Variants in ARFGEF3 observed in about 807,000 individuals in gnomAD.
ARFGEF3 encodes brefeldin A-inhibited guanine nucleotide-exchange protein 3.
Under a neutral mutation model 221.7 loss-of-function variants are expected in ARFGEF3, and 96 were observed. The ratio of observed to expected loss-of-function variants is 0.43; its 90% confidence interval spans 0.37 to 0.51. ARFGEF3 has a LOEUF of 0.51. Among genes scored for constraint, ARFGEF3 ranks in the 20% least tolerant of loss-of-function variants. The probability of loss-of-function intolerance (pLI) is 0.00; values close to 1 mark genes in which losing one functional copy is unlikely to be tolerated. For synonymous variants in ARFGEF3, 1,145 were observed against 1,126.8 expected (o/e 1.02, Z -0.32); for missense variants, 2,410 against 2,789.9 (o/e 0.86, Z 3.07).
Position 138,162,652 on chromosome 6 carries a change from T to C in ARFGEF3, c.85+481T>C, listed in dbSNP as rs1282601282. 2.0e-5 allele frequency among the ~76,000 whole-genome samples: 3 copies of C among 152,238 alleles called. No homozygotes were observed. The highest frequency in any genetic ancestry group is 4.4e-5 in the Non-Finnish European group (3 of 68,044). ...GCTTGCTTAGTGTTAGCTTTCCTGG[T>C]TATTGCACATGAAAAATAACATACG... On this transcript the variant is annotated intron_variant, in intron 1 of 33. Coordinates refer to ENST00000251691, the MANE Select transcript of ARFGEF3 (RefSeq NM_020340.5). The surrounding 1 kb of genome is among the most constrained non-coding windows in gnomAD (Gnocchi z 4.7).
At chr6:138,320,949 G>T (rs931480267) in intron 28 of ARFGEF3, among the ~76,000 whole-genome samples, 162 bp from the exon 29 acceptor site, 4 of 152,208 alleles carry the variant, frequency 2.6e-5, no homozygotes, top group South Asian at 4.2e-4. Context: ...TTTTGGCGGG[G>T]GGGGGCAGGA....
chr6:138,163,483 C>T (rs570562203), intron 1 of ARFGEF3, among the ~76,000 whole-genome samples: 2 of 152,314 alleles, frequency 1.3e-5, no homozygotes, highest in East Asian at 3.8e-4. Context: ...AATGAAGGGT[C>T]ACAGATGGCT....
chr6:138,198,090 A>G (rs1035246214), intron 2 of ARFGEF3, among the ~76,000 whole-genome samples: 1 of 152,176 alleles, frequency 6.6e-6, no homozygotes, highest in African/African-American at 2.4e-5. Context: ...AATCATGGAC[A>G]ATAAAAGTTG....
intron 22 of ARFGEF3, among the ~76,000 whole-genome samples, chr6:138,299,093 G>C (rs1414040181): frequency 6.6e-6 from 1 of 150,746 alleles, no homozygotes; most frequent in Non-Finnish European, 1.5e-5. Flanking sequence ...AGCTACTCAG[G>C]AGGCTAAGGC....
In ARFGEF3 at chr6:138,339,769, A is replaced by G. The variant is rs888413373; in HGVS notation, c.*3283A>G. 1 of 152,222 alleles carries G rather than the reference A, an allele frequency of 6.6e-6. No individual in the cohort carries two copies. The highest frequency in any genetic ancestry group is 6.5e-5 in the Admixed American group (1 of 15,280). The allele number at this position is 152,222 out of a possible 1,614,324, so 9.4% of individuals were successfully genotyped here. On this transcript the variant is annotated 3_prime_UTR_variant, in exon 34 of 34. Transcript: ENST00000251691. ...TGTATCTCCTGATCTGCTTTTAAAAATAGTTAGTTAGGCTGCCTTTTTACA... is the reference window on the plus strand; with the variant it reads ...TGTATCTCCTGATCTGCTTTTAAAAGTAGTTAGTTAGGCTGCCTTTTTACA...
chr6:138,199,578 T>C (rs1777496527), intron 2 of ARFGEF3, among the ~76,000 whole-genome samples: 1 of 152,246 alleles, frequency 6.6e-6, no homozygotes, highest in Admixed American at 6.5e-5. Context: ...GTTTCCCTTG[T>C]AGAGATCTTT....
chr6:138,260,703 G>A (rs1481735782), intron 10 of ARFGEF3, among the ~76,000 whole-genome samples: 4 of 151,682 alleles, frequency 2.6e-5, no homozygotes, highest in Non-Finnish European at 5.9e-5. Flanking sequence ...GAAATATAGG[G>A]GATTTTAAAA....
chr6:138,308,267 T>C (rs1779762772), intron 23 of ARFGEF3, among the ~76,000 whole-genome samples: 1 of 152,184 alleles, frequency 6.6e-6, no homozygotes, highest in Non-Finnish European at 1.5e-5. Context: ...GGGAGTACTC[T>C]GAGAGCTGAG....
At chr6:138,241,155 C>T (rs772450778) in intron 6 of ARFGEF3, among the ~76,000 whole-genome samples, 4 of 152,126 alleles carry the variant, frequency 2.6e-5, no homozygotes, top group East Asian at 3.9e-4. Context: ...GCTGGCCTCC[C>T]GTAAACAAGG....
intron 26 of ARFGEF3, among the ~76,000 whole-genome samples, chr6:138,314,887 T>C (rs1158103111): frequency 1.3e-5 from 2 of 152,246 alleles, no homozygotes; most frequent in African/African-American, 4.8e-5. Context: ...TCACAATAAG[T>C]CTGCTTAAAG....
At chr6:138,171,949 T>C (rs1776844263) in intron 2 of ARFGEF3, among the ~76,000 whole-genome samples, 1 of 152,244 alleles carries the variant, frequency 6.6e-6, no homozygotes, top group Non-Finnish European at 1.5e-5. Flanking sequence ...TATATTGGAC[T>C]ATAACCCTTT....
At chr6:138,321,433 C>A (rs1780025679) in intron 29 of ARFGEF3, among the ~76,000 whole-genome samples, 1 of 152,110 alleles carries the variant, frequency 6.6e-6, no homozygotes, top group African/African-American at 2.4e-5. Flanking sequence ...ACAAAGTATT[C>A]TGGTTCAGTT....
chr6:138,311,307 A>AT (rs1779823307), intron 24 of ARFGEF3, 100 bp from the exon 25 acceptor site: 1 of 677,790 alleles, frequency 1.5e-6, no homozygotes, highest in African/African-American at 1.8e-5. Flanking sequence ...CTTTTAATAG[A>AT]TATTTGGTGT....
chr6:138,279,850 T>C, intron 13 of ARFGEF3, 149 bp from the exon 14 acceptor site: 2 of 670,958 alleles, frequency 3.0e-6, no homozygotes, highest in Non-Finnish European at 5.1e-6. Flanking sequence ...CCTCCATCTC[T>C]ACTTCTCCCC....
At chr6:138,254,460 G>A (rs923936376) in intron 9 of ARFGEF3, among the ~76,000 whole-genome samples, 7 of 151,118 alleles carry the variant, frequency 4.6e-5, no homozygotes, top group African/African-American at 7.3e-5. Flanking sequence ...ATAATAGGCC[G>A]GGCCCAATGG....
At position 138,289,360 on chromosome 6, in the gene ARFGEF3, C is replaced by G. The variant is rs184654676; in HGVS notation, c.2897-458C>G. The stretch of plus-strand genomic sequence containing the variant: ...CAGTCATTCTGGTGCTCAAAATATA[C>G]GTAAATAAGTTGTTTTAGAGATGAT... On this transcript the variant is annotated intron_variant, in intron 17 of 33. Transcript: ENST00000251691. Among the ~76,000 whole-genome samples, 824 of 152,256 alleles carry G rather than the reference C, an allele frequency of 5.4e-3. 6 individuals are homozygous for G. Among genetic ancestry groups the G allele is most frequent in the Admixed American group, 0.011 (168 of 15,294 alleles).
At chr6:138,220,156 A>G (rs1318158209) in intron 4 of ARFGEF3, among the ~76,000 whole-genome samples, 2 of 152,024 alleles carry the variant, frequency 1.3e-5, no homozygotes, top group African/African-American at 2.4e-5. Context: ...GTGCGCCACT[A>G]TGCTCAACCA....
intron 12 of ARFGEF3, among the ~76,000 whole-genome samples, chr6:138,270,689 G>C (rs938925841): frequency 6.6e-6 from 1 of 152,234 alleles, no homozygotes; most frequent in Admixed American, 6.5e-5. Flanking sequence ...CTGCTGTAGT[G>C]TGAGTGCCTG....
chr6:138,184,940 T>G (rs1777153627), intron 2 of ARFGEF3, among the ~76,000 whole-genome samples: 3 of 152,174 alleles, frequency 2.0e-5, no homozygotes, highest in South Asian at 4.1e-4. Flanking sequence ...TATTCTTAGT[T>G]TAGGGGGTAA....
Sources: allele counts gnomAD v4.1 joint callset (sites outside exome capture counted in the v4.1 genomes callset), GRCh38; gene constraint gnomAD v4.1.1; non-coding constraint Gnocchi (gnomAD v3.1); transcripts MANE v1.5; gene names NCBI Gene and HGNC (gene_info 2026-07-23, HGNC 2026-07-21).